Variants in ADGRD1 observed in about 807,000 individuals in gnomAD.
ADGRD1 encodes the protein G-protein coupled receptor 133.
In ADGRD1, 77 loss-of-function variants were observed where a neutral mutation model predicts 113.4. The observed-to-expected ratio is 0.68, with a 90% CI of 0.57 to 0.82. The LOEUF (loss-of-function observed/expected upper bound fraction) is 0.82, where lower values mean the gene tolerates loss of function less well. Among genes scored for constraint, ADGRD1 ranks in the 40% least tolerant of loss-of-function variants. ADGRD1 has a pLI of 0.00. For missense variants in ADGRD1, 1,036 were observed against 1,139.1 expected (o/e 0.91, Z 1.30); for synonymous variants, 474 against 475.0 (o/e 1.00, Z 0.03).
intron 17 of ADGRD1, among the ~76,000 whole-genome samples, 174 bp from the exon 18 acceptor site, chr12:131,108,550 T>G (rs1222461837): frequency 1.3e-5 from 2 of 151,850 alleles, no homozygotes; most frequent in Non-Finnish European, 2.9e-5. Flanking sequence ...TAGCCCTGAG[T>G]CAAGCGCTAC....
In ADGRD1 at chr12:130,996,218, T is replaced by G. The variant is rs563206319; in HGVS notation, c.966+3826T>G. On this transcript the variant is annotated intron_variant, in intron 8 of 24. Coordinates refer to ENST00000261654, the MANE Select transcript of ADGRD1 (RefSeq NM_198827.5). ...GGCAACCATCTGATTTCTCAATCTT[T>G]TCCCCACCTTTCCCCCTTTCTATTC... 2.8e-4 allele frequency among the ~76,000 whole-genome samples: 32 copies of G among 114,704 alleles called. No individual in the cohort carries two copies. The East Asian group carries it at 6.1e-3, about 22-fold the overall frequency. The allele number at this position is 114,704 out of a possible 152,430, so 75.3% of individuals were successfully genotyped here. A position where few individuals can be genotyped will look rare whatever the true frequency, so the allele number is the denominator to read the frequency against.
intron 9 of ADGRD1, among the ~76,000 whole-genome samples, chr12:131,000,923 T>G (rs746551534): frequency 2.0e-5 from 3 of 152,116 alleles, no homozygotes; most frequent in Non-Finnish European, 4.4e-5. Flanking sequence ...TCATTTTGAG[T>G]AGACATGCAA....
intron 13 of ADGRD1, chr12:131,070,343 C>A: frequency 6.5e-6 from 1 of 154,290 alleles, no homozygotes; most frequent in Admixed American, 6.4e-5. Context: ...CTCCAGGCAG[C>A]TCCGCAGCCC....
At chr12:131,020,823 G>A (rs1879234793) in intron 13 of ADGRD1, among the ~76,000 whole-genome samples, 1 of 152,268 alleles carries the variant, frequency 6.6e-6, no homozygotes, top group Non-Finnish European at 1.5e-5. Flanking sequence ...GCCAGTGTGA[G>A]GAGCAGCCCT....
intron 2 of ADGRD1, among the ~76,000 whole-genome samples, chr12:130,958,401 T>C (rs542594178): frequency 2.0e-5 from 3 of 152,200 alleles, no homozygotes; most frequent in African/African-American, 7.2e-5. Flanking sequence ...GGTTTCACCA[T>C]GTTGACCAGG....
chr12:131,131,726 T>C lies in ADGRD1; in HGVS notation c.2177T>C (p.Val726Ala). 8.1e-6 allele frequency: 13 copies of C among 1,606,698 alleles called. No individual in the cohort carries two copies. The highest frequency in any genetic ancestry group is 1.1e-5 in the Non-Finnish European group (13 of 1,175,570). ...CTTCCTCCATGGTTTCTTGTGCAGG[T>C]CAACATTGGCATCCTCATCGCTGTG... is the stretch of plus-strand genomic sequence containing the variant. ...FVAPALFVIVVNIGILIAVTR... is the reference protein window; with the variant it reads ...FVAPALFVIVANIGILIAVTR... The change falls in exon 21 of 25, where the codon GTC (valine) becomes GCC (alanine). Residue 726 changes from valine (V) to alanine (A), a missense_variant and splice_region_variant. Coordinates refer to ENST00000261654, the MANE Select transcript of ADGRD1 (RefSeq NM_198827.5).
At chr12:131,111,163 G>A (rs964699104) in intron 18 of ADGRD1, among the ~76,000 whole-genome samples, 1 of 151,942 alleles carries the variant, frequency 6.6e-6, no homozygotes, top group Non-Finnish European at 1.5e-5. Flanking sequence ...CACCATCTCG[G>A]CTCACTGCAA....
chr12:131,131,862 C>G, intron 21 of ADGRD1, 46 bp downstream of exon 21: 1 of 1,251,802 alleles, frequency 8.0e-7, no homozygotes, highest in Non-Finnish European at 1.2e-6. Flanking sequence ...CCTTCTGCCC[C>G]CAGAGGATGC....
intron 14 of ADGRD1, among the ~76,000 whole-genome samples, chr12:131,080,251 G>A (rs547886252): frequency 6.6e-6 from 1 of 152,274 alleles, no homozygotes; most frequent in Admixed American, 6.5e-5. Context: ...ATTTTGAAGT[G>A]TGTAGTTTAA....
In ADGRD1 at chr12:131,003,427, C is replaced by G; in HGVS notation, c.1144+125C>G. ...CTGTCTCCCTGACTGCTCTGCCTGG[C>G]ACAAACCACATTTGGAAGGAAAACC... On this transcript the variant is annotated intron_variant, in intron 10 of 24. Coordinates refer to ENST00000261654, the MANE Select transcript of ADGRD1 (RefSeq NM_198827.5). This position sits in a 1 kb window ranked among gnomAD's most constrained non-coding sequence, Gnocchi z 4.8. 1 of 748,314 alleles carries G rather than the reference C, an allele frequency of 1.3e-6. No homozygotes were observed. The highest frequency in any genetic ancestry group is 2.3e-6 in the Non-Finnish European group (1 of 432,008). 46.4% of individuals were successfully genotyped at this position (748,314 alleles called of 1,614,324 possible). A position where few individuals can be genotyped will look rare whatever the true frequency, so the allele number is the denominator to read the frequency against.
Position 131,123,406 on chromosome 12 carries a change from C to T in ADGRD1, c.2175+2493C>T, listed in dbSNP as rs553400910. Reference sequence around the variant, plus strand: ...CCTCCTGAAGTTTCGGCTTGTTGGCCTTTAGAATCTTCCAGGTGACTCTCA... The same window carrying T: ...CCTCCTGAAGTTTCGGCTTGTTGGCTTTTAGAATCTTCCAGGTGACTCTCA... On this transcript the variant is annotated intron_variant, in intron 20 of 24. Transcript: ENST00000261654. 3.0e-4 allele frequency among the ~76,000 whole-genome samples: 46 copies of T among 152,140 alleles called. No homozygotes were observed. In the South Asian group the frequency reaches 8.5e-3, roughly 28 times the overall value.
intron 15 of ADGRD1, among the ~76,000 whole-genome samples, chr12:131,094,287 TG>T (rs1262741167): frequency 1.3e-5 from 2 of 151,896 alleles, no homozygotes; most frequent in African/African-American, 4.8e-5. Context: ...GGGAGTGGGG[TG>T]GGGTGGAGCA....
intron 8 of ADGRD1, among the ~76,000 whole-genome samples, chr12:130,998,213 G>A (rs943955906): frequency 1.5e-4 from 23 of 151,920 alleles, no homozygotes; most frequent in African/African-American, 5.3e-4. Flanking sequence ...GAGGGGGAGA[G>A]GGAGAGGGAG....
At chr12:131,065,866 C>A (rs1884681975) in intron 13 of ADGRD1, among the ~76,000 whole-genome samples, 1 of 152,218 alleles carries the variant, frequency 6.6e-6, no homozygotes, top group East Asian at 1.9e-4. Context: ...TGGCTGGAAG[C>A]CCCCATCTCC....
chr12:131,077,305 C>T, intron 14 of ADGRD1, among the ~76,000 whole-genome samples: 1 of 152,148 alleles, frequency 6.6e-6, no homozygotes, highest in East Asian at 1.9e-4. Flanking sequence ...CTTGCCGGCT[C>T]CACTGGAGCA....
chr12:131,120,590 T>C (rs1305983608), intron 19 of ADGRD1: 1 of 578,422 alleles, frequency 1.7e-6, no homozygotes, highest in African/African-American at 1.9e-5. Context: ...CTAATGAAAT[T>C]GAAATCTATT....
intron 12 of ADGRD1, among the ~76,000 whole-genome samples, chr12:131,008,791 C>G (rs549709229): frequency 6.6e-6 from 1 of 152,344 alleles, no homozygotes; most frequent in East Asian, 1.9e-4. Flanking sequence ...GGCCTGCTCC[C>G]AGTCCTCCTG....
chr12:131,116,034 T>G (rs1950455623), intron 18 of ADGRD1, among the ~76,000 whole-genome samples: 1 of 152,196 alleles, frequency 6.6e-6, no homozygotes, highest in Non-Finnish European at 1.5e-5. Context: ...CTTCTCCATC[T>G]TACTGCCCCT....
At chr12:131,079,325 C>T (rs1885889477) in intron 14 of ADGRD1, among the ~76,000 whole-genome samples, 1 of 152,154 alleles carries the variant, frequency 6.6e-6, no homozygotes, top group Admixed American at 6.5e-5. Context: ...GAAGTTTCAC[C>T]AGCTTTGCTT....
Sources: gnomAD v4.1 joint callset for allele counts (sites outside exome capture counted in the v4.1 genomes callset) on GRCh38, gnomAD v4.1.1 for gene constraint, Gnocchi (gnomAD v3.1) non-coding constraint, MANE v1.5 for transcripts, NCBI Gene and HGNC (gene_info 2026-07-23, HGNC 2026-07-21) for gene names.